Variants in YTHDC2 observed in about 807,000 individuals in gnomAD.
YTHDC2 encodes the protein 3'-5' RNA helicase YTHDC2.
Under a neutral mutation model 174.9 loss-of-function variants are expected in YTHDC2, and 45 were observed. The ratio of observed to expected loss-of-function variants is 0.26; its 90% CI spans 0.20 to 0.33. YTHDC2 has a LOEUF of 0.33. YTHDC2 is among the 10% of genes least tolerant of loss of function. YTHDC2 has a pLI of 1.00. For missense variants in YTHDC2, 1,650 were observed against 1,723.7 expected, an observed-to-expected ratio of 0.96 and a Z score of 0.76; for synonymous variants, 657 against 574.5, an observed-to-expected ratio of 1.14 and a Z score of -2.05.
chr5:113,566,965 G>T (rs1777373248), intron 21 of YTHDC2, 127 bp from the exon 22 acceptor site: 2 of 1,067,320 alleles, frequency 1.9e-6, no homozygotes, highest in East Asian at 5.2e-5. Context: ...TTCCAGAGGA[G>T]ATTCTATTAA....
rs1202391950 is a variant in YTHDC2, at chr5:113,542,998, ATCT to A, written c.1495+497_1495+499del. 7.2e-5 allele frequency among the ~76,000 whole-genome samples: 11 copies of A among 152,058 alleles called. No homozygotes were observed. The East Asian group carries it at 2.1e-3, about 29-fold the overall frequency. ...CTAACTTCTTGGTTTTCTTGGCAAGATCTTTTTCTTTTTTTCTGACCTGTAAAT... is the reference window on the plus strand; with the variant it reads ...CTAACTTCTTGGTTTTCTTGGCAAGATTTTCTTTTTTTCTGACCTGTAAAT... On this transcript the variant is annotated intron_variant, in intron 10 of 29. Coordinates refer to ENST00000161863, the MANE Select transcript of YTHDC2 (RefSeq NM_022828.5).
At chr5:113,545,525 ACTT>A (rs67295576) in intron 10 of YTHDC2, among the ~76,000 whole-genome samples, 36,075 of 151,276 alleles carry the variant, frequency 0.24, 4,587 homozygotes, top group Non-Finnish European at 0.29. Flanking sequence ...GGATTTAGAT[ACTT>A]CTAATATGCC....
At chr5:113,590,792 A>T (rs1778964156) in intron 26 of YTHDC2, among the ~76,000 whole-genome samples, 1 of 152,166 alleles carries the variant, frequency 6.6e-6, no homozygotes, top group African/African-American at 2.4e-5. Context: ...TGAGGTATAA[A>T]CCAAAGTTGG....
rs1776418019 is a variant in YTHDC2, at chr5:113,553,704, A to G, written c.1964+18A>G. ...ACACATAGGTAAGGGCTAAAGCCTTATATCTGTTGCTTAAAATAACGGACA... is the reference window on the plus strand; with the variant it reads ...ACACATAGGTAAGGGCTAAAGCCTTGTATCTGTTGCTTAAAATAACGGACA... On this transcript the variant is annotated intron_variant, in intron 14 of 29. Coordinates refer to ENST00000161863, the MANE Select transcript of YTHDC2 (RefSeq NM_022828.5). 2.5e-6 allele frequency: 4 copies of G among 1,613,006 alleles called. No individual in the cohort carries two copies. Among genetic ancestry groups the G allele is most frequent in the Non-Finnish European group, 3.4e-6 (4 of 1,179,414 alleles).
chr5:113,576,251 T>G (rs1480270011), intron 23 of YTHDC2, among the ~76,000 whole-genome samples: 3 of 151,998 alleles, frequency 2.0e-5, no homozygotes, highest in Non-Finnish European at 4.4e-5. Flanking sequence ...TAAATTTGAG[T>G]AGTGGAAGAG....
rs1423765450 is a variant in YTHDC2, at chr5:113,541,273, G to C, written c.1359+157G>C. On this transcript the variant is annotated intron_variant, in intron 9 of 29. Coordinates refer to ENST00000161863, the MANE Select transcript of YTHDC2 (RefSeq NM_022828.5). The stretch of plus-strand genomic sequence containing the variant: ...GTGGCGTGATCTCGGCTCACTGCAA[G>C]CTCCGCGTTCCGGGTTCACGCCATT... Among the ~76,000 whole-genome samples the C allele has an allele frequency of 3.3e-5, 5 of 151,058 alleles. No homozygotes were observed. In the East Asian group the frequency reaches 9.7e-4, roughly 29 times the overall value.
At chr5:113,524,883 T>G (rs1435184565) in intron 2 of YTHDC2, 98 bp from the exon 3 acceptor site, 1 of 896,878 alleles carries the variant, frequency 1.1e-6, no homozygotes, top group Non-Finnish European at 1.6e-6. Context: ...TTGATTTTTT[T>G]CAGTGTTTTG....
intron 12 of YTHDC2, 83 bp downstream of exon 12, chr5:113,549,103 T>G: frequency 8.4e-7 from 1 of 1,192,014 alleles, no homozygotes; most frequent in Non-Finnish European, 1.2e-6. Context: ...TATTCAAATG[T>G]AGACCATTTA....
intron 23 of YTHDC2, among the ~76,000 whole-genome samples, chr5:113,577,109 A>T (rs997087610): frequency 6.6e-6 from 1 of 152,230 alleles, no homozygotes; most frequent in East Asian, 1.9e-4. Context: ...AGCTTGCATG[A>T]TTGCATGGTA....
intron 18 of YTHDC2, among the ~76,000 whole-genome samples, chr5:113,561,957 G>GGT (rs70973686): frequency 0.06 from 8,035 of 134,780 alleles, 252 homozygotes; most frequent in South Asian, 0.094. Flanking sequence ...ATTAATTGTG[G>GGT]GTGTGTGTGT....
intron 5 of YTHDC2, among the ~76,000 whole-genome samples, chr5:113,533,547 CAAA>C (rs571400800): frequency 8.3e-6 from 1 of 120,440 alleles, no homozygotes; most frequent in African/African-American, 3.0e-5. Flanking sequence ...GAAACCGTCT[CAAA>C]AAAAAAAAAA....
intron 12 of YTHDC2, among the ~76,000 whole-genome samples, chr5:113,550,296 A>G (rs1776162737): frequency 6.6e-6 from 1 of 152,042 alleles, no homozygotes; most frequent in African/African-American, 2.4e-5. Flanking sequence ...TTTACCTGGC[A>G]TTGTCAATCA....
chr5:113,588,852 T>C (rs1580657921), intron 26 of YTHDC2, among the ~76,000 whole-genome samples: 2 of 152,020 alleles, frequency 1.3e-5, no homozygotes, highest in East Asian at 3.9e-4. Flanking sequence ...CTCGAACTCC[T>C]GATCTCAAGT....
intron 20 of YTHDC2, among the ~76,000 whole-genome samples, chr5:113,565,167 A>G (rs575386603): frequency 7.4e-4 from 113 of 152,328 alleles, no homozygotes; most frequent in Admixed American, 4.2e-3. Flanking sequence ...TTTTTCAGAC[A>G]CAGAAGATTT....
intron 23 of YTHDC2, among the ~76,000 whole-genome samples, chr5:113,570,270 T>C (rs1777633117): frequency 6.6e-6 from 1 of 152,036 alleles, no homozygotes; most frequent in East Asian, 1.9e-4. Flanking sequence ...CTAATTTTTG[T>C]ATTTTTACTA....
At chr5:113,563,068 G>T (rs977550305) in intron 18 of YTHDC2, among the ~76,000 whole-genome samples, 18 of 88,372 alleles carry the variant, frequency 2.0e-4, no homozygotes, top group African/African-American at 1.9e-3. Context: ...GGGGGGAAAA[G>T]ATTTTTTTTT....
intron 22 of YTHDC2, 134 bp from the exon 23 acceptor site, chr5:113,567,520 G>A: frequency 1.3e-6 from 1 of 761,478 alleles, no homozygotes; most frequent in Non-Finnish European, 2.0e-6. Context: ...CATGAGCGAT[G>A]ACTTGTTTTA....
chr5:113,585,172 T>G (rs949446407), intron 26 of YTHDC2, among the ~76,000 whole-genome samples: 9 of 151,988 alleles, frequency 5.9e-5, no homozygotes, highest in African/African-American at 1.9e-4. Flanking sequence ...TTCTTTCTAT[T>G]GTTAATTGGT....
intron 2 of YTHDC2, among the ~76,000 whole-genome samples, chr5:113,524,733 G>A (rs1774097788): frequency 6.6e-6 from 1 of 152,026 alleles, no homozygotes; most frequent in African/African-American, 2.4e-5. Context: ...ACACTTAAGG[G>A]TAAGTAAGCC....
Sources: gnomAD v4.1 joint callset for allele counts (sites outside exome capture counted in the v4.1 genomes callset) on GRCh38, gnomAD v4.1.1 for gene constraint, MANE v1.5 for transcripts, NCBI Gene and HGNC (gene_info 2026-07-23, HGNC 2026-07-21) for gene names.